HIPK2: variants seen among roughly 807,000 people sequenced by gnomAD.
The protein encoded by HIPK2 is homeodomain-interacting protein kinase 2.
HIPK2 carries 27 observed loss-of-function variants against 113.7 expected under a neutral mutation model. That is an observed-to-expected ratio of 0.24 (90% CI 0.17 to 0.33). The LOEUF is 0.33. Ranked by LOEUF, HIPK2 falls within the 10% of genes least tolerant of loss-of-function variation. The pLI is 1.00. For synonymous variants in HIPK2, 631 were observed against 642.2 expected (o/e 0.98, Z 0.26); for missense variants, 1,257 against 1,588.0 (o/e 0.79, Z 3.54).
intron 12 of HIPK2, among the ~76,000 whole-genome samples, chr7:139,589,671 C>A (rs1237740915): frequency 6.6e-6 from 1 of 152,166 alleles, no homozygotes. Flanking sequence ...GACAGCTTGG[C>A]GTGGGTGACC....
intron 2 of HIPK2, among the ~76,000 whole-genome samples, chr7:139,686,737 T>A (rs1321314464): frequency 1.3e-5 from 2 of 152,212 alleles, no homozygotes; most frequent in East Asian, 3.8e-4. Flanking sequence ...CAGTCTCGGG[T>A]ATTTCTTCAT....
intron 2 of HIPK2, among the ~76,000 whole-genome samples, chr7:139,657,206 C>T (rs1190943904): frequency 2.0e-5 from 3 of 152,124 alleles, no homozygotes; most frequent in Admixed American, 6.6e-5. Context: ...AGCAGTCCCC[C>T]GACAGCTCAC....
chr7:139,580,702 T>C (rs1798639776), intron 13 of HIPK2, among the ~76,000 whole-genome samples: 1 of 152,344 alleles, frequency 6.6e-6, no homozygotes, highest in South Asian at 2.1e-4. Context: ...CTGGGAAGGC[T>C]GGTCAACCCC....
At chr7:139,624,075 T>A (rs1237986083) in intron 6 of HIPK2, among the ~76,000 whole-genome samples, 1 of 150,704 alleles carries the variant, frequency 6.6e-6, no homozygotes, top group Non-Finnish European at 1.5e-5. Context: ...CAGGCTGGAG[T>A]GCAGTGGCAC....
chr7:139,754,459 A>G (rs6464220), intron 1 of HIPK2, among the ~76,000 whole-genome samples: 54,902 of 152,080 alleles, frequency 0.36, 13,786 homozygotes, highest in African/African-American at 0.71. Context: ...CAGCAGGAAG[A>G]TGTCTGTGCA....
At chr7:139,672,942 ATCC>A (rs1474130828) in intron 2 of HIPK2, among the ~76,000 whole-genome samples, 1 of 152,206 alleles carries the variant, frequency 6.6e-6, no homozygotes, top group Non-Finnish European at 1.5e-5. Context: ...AGAACTTAGT[ATCC>A]TCCTTGCAAA....
chr7:139,761,939 C>CAGAG (rs137949324), intron 1 of HIPK2, among the ~76,000 whole-genome samples: 53 of 148,766 alleles, frequency 3.6e-4, no homozygotes, highest in African/African-American at 3.7e-4. Context: ...TGGACAGAGA[C>CAGAG]AGAGAGAGAG....
chr7:139,737,517 C>G (rs895896203), intron 1 of HIPK2, among the ~76,000 whole-genome samples: 2 of 152,114 alleles, frequency 1.3e-5, no homozygotes, highest in Non-Finnish European at 2.9e-5. Flanking sequence ...TGCTCATTAC[C>G]CCAGCTTTTC....
chr7:139,646,196 G>C (rs1801214976), intron 2 of HIPK2, among the ~76,000 whole-genome samples: 1 of 152,128 alleles, frequency 6.6e-6, no homozygotes, highest in African/African-American at 2.4e-5. Flanking sequence ...CTGGGTAAGG[G>C]AACAAACGGT....
intron 2 of HIPK2, among the ~76,000 whole-genome samples, chr7:139,678,488 A>G (rs1002782947): frequency 6.6e-6 from 1 of 152,138 alleles, no homozygotes; most frequent in Non-Finnish European, 1.5e-5. Context: ...ATGGTTGCAG[A>G]TGTGTGGCAT....
intron 2 of HIPK2, among the ~76,000 whole-genome samples, chr7:139,691,416 T>A (rs1794402031): frequency 6.6e-6 from 1 of 152,208 alleles, no homozygotes; most frequent in African/African-American, 2.4e-5. Flanking sequence ...TTTCATGTAA[T>A]AAGACAATAA....
rs896370713 is a variant in HIPK2, at chr7:139,702,277, T to C, written c.1103+13655A>G. On this transcript the variant is annotated intron_variant, in intron 2 of 14. Coordinates refer to ENST00000406875, the MANE Select transcript of HIPK2 (RefSeq NM_022740.5). ...CTGCTCTGAGCTGCAGAGGACACTG[T>C]GGAAGGACATTTACAGGCTGTCGAC... Among the ~76,000 whole-genome samples the C allele has an allele frequency of 6.3e-3, 963 of 152,252 alleles. 13 individuals carry two copies. Among genetic ancestry groups the C allele is most frequent in the African/African-American group, 0.021 (861 of 41,536 alleles).
At chr7:139,587,069 TA>T (rs1239480929) in intron 12 of HIPK2, among the ~76,000 whole-genome samples, 3 of 152,138 alleles carry the variant, frequency 2.0e-5, no homozygotes, top group Admixed American at 6.5e-5. Flanking sequence ...AATTTACACT[TA>T]AAAATGGTTG....
intron 2 of HIPK2, among the ~76,000 whole-genome samples, chr7:139,633,412 A>G (rs767833731): frequency 1.3e-5 from 2 of 152,152 alleles, no homozygotes; most frequent in Non-Finnish European, 1.5e-5. Context: ...CCCCCTTTAA[A>G]TTTGTTCTCA....
At chr7:139,745,018 C>A (rs1796166893) in intron 1 of HIPK2, among the ~76,000 whole-genome samples, 1 of 152,204 alleles carries the variant, frequency 6.6e-6, no homozygotes, top group Admixed American at 6.5e-5. Context: ...CCAACCAAAG[C>A]AGCAAGGCTG....
intron 12 of HIPK2, among the ~76,000 whole-genome samples, chr7:139,591,197 C>T (rs192325083): frequency 6.6e-6 from 1 of 152,306 alleles, no homozygotes; most frequent in African/African-American, 2.4e-5. Context: ...TCTATGTCTA[C>T]ACGTGTGTGT....
intron 2 of HIPK2, among the ~76,000 whole-genome samples, chr7:139,640,205 G>C (rs1245230458): frequency 2.6e-5 from 4 of 152,164 alleles, no homozygotes; most frequent in Admixed American, 1.3e-4. Flanking sequence ...CATTCTCATA[G>C]GAAGACACTG....
intron 2 of HIPK2, among the ~76,000 whole-genome samples, chr7:139,638,260 C>T (rs1233009903): frequency 6.6e-6 from 1 of 152,122 alleles, no homozygotes; most frequent in Non-Finnish European, 1.5e-5. Context: ...ACTCTGGATC[C>T]CTCTCCCACC....
At chr7:139,745,841 G>C (rs1287045867) in intron 1 of HIPK2, among the ~76,000 whole-genome samples, 1 of 152,146 alleles carries the variant, frequency 6.6e-6, no homozygotes, top group Non-Finnish European at 1.5e-5. Context: ...CTCAGTAAAT[G>C]TTTACTGAAT....
Sources: gnomAD v4.1 joint callset for allele counts (sites outside exome capture counted in the v4.1 genomes callset) on GRCh38, gnomAD v4.1.1 for gene constraint, MANE v1.5 for transcripts, NCBI Gene and HGNC (gene_info 2026-07-23, HGNC 2026-07-21) for gene names.